The following BTBD17 variants were observed in gnomAD, a reference collection of about 807,000 sequenced individuals.
BTBD17 encodes BTB/POZ domain-containing protein 17.
Under a neutral mutation model 36.9 loss-of-function variants are expected in BTBD17, and 26 were observed. The observed-to-expected ratio is 0.70, with a 90% confidence interval of 0.52 to 0.98. The LOEUF (loss-of-function observed/expected upper bound fraction) is 0.98, where lower values mean the gene tolerates loss of function less well. Among genes scored for constraint, BTBD17 ranks in the 50% least tolerant of loss-of-function variants. The probability of loss-of-function intolerance (pLI) is 0.00; values close to 1 mark genes in which losing one functional copy is unlikely to be tolerated. For synonymous variants in BTBD17, 341 were observed against 338.0 expected, an observed-to-expected ratio of 1.01 and a Z score of -0.10; for missense variants, 630 against 691.3, an observed-to-expected ratio of 0.91 and a Z score of 0.99.
chr17:74,357,033 A>G lies in BTBD17; in HGVS notation c.1061T>C (p.Val354Ala). Residue 354 changes from valine (V) to alanine (A), a missense_variant, in exon 3 of 3, where the codon GTC becomes GCC. Physicochemically the swap from Val to Ala is moderately conservative, Grantham distance 64. Transcript: ENST00000375366. This position sits in a 1 kb window ranked among gnomAD's most constrained non-coding sequence, Gnocchi z 8.4. ...GPSGHDAGRRVTWNVLFSPRW... is the reference protein window; with the variant it reads ...GPSGHDAGRRATWNVLFSPRW... ...CGGCGAGAAGAGCACGTTCCAGGTG[A>G]CCCGGCGGCCCGCGTCGTGGCCACT... The G allele has an allele frequency of 6.5e-7, 1 of 1,526,952 alleles. No individual in the cohort carries two copies. The highest frequency in any genetic ancestry group is 8.7e-7 in the Non-Finnish European group (1 of 1,149,558). 94.6% of individuals were successfully genotyped at this position (1,526,952 alleles called of 1,614,324 possible). A position where few individuals can be genotyped will look rare whatever the true frequency, so the allele number is the denominator to read the frequency against.
rs1035555736 is a variant in BTBD17, at chr17:74,360,142, G to A, written c.189C>T (p.Ser63=). The part of the protein sequence containing the change: ...LQELLRQGNA[S]DVVLRVQAAG... ...CAGCCTGCACCCGCAGAACCACATC[G>A]CTGGCGTTGCCCTGCCGCAGCAGCT... is the stretch of plus-strand genomic sequence containing the variant. The change falls in exon 2 of 3, where the codon AGC becomes AGT. Residue 63 remains serine (S), a synonymous_variant. Transcript: ENST00000375366. 1.8e-5 allele frequency: 29 copies of A among 1,612,602 alleles called. No individual in the cohort carries two copies. Among genetic ancestry groups the A allele is most frequent in the African/African-American group, 6.7e-5 (5 of 74,932 alleles).
intron 1 of BTBD17, 82 bp from the exon 2 acceptor site, chr17:74,360,327 G>A: frequency 7.0e-7 from 1 of 1,424,144 alleles, no homozygotes; most frequent in Non-Finnish European, 9.5e-7. Flanking sequence ...GGACCAGCTG[G>A]AGACATATGC....
At position 74,357,484 on chromosome 17, in the gene BTBD17, C is replaced by A; in HGVS notation, c.610G>T (p.Glu204Ter). Residue 204 changes from glutamate (E) to a stop codon, truncating the protein, a stop_gained, in exon 3 of 3, where the codon GAG (glutamate) becomes TAG (stop). Transcript: ENST00000375366. LOFTEE classifies it high-confidence loss of function. The surrounding 1 kb of genome is among the most constrained non-coding windows in gnomAD (Gnocchi z 8.4). ...WNLSAVAAST[E>*]WGAVSPELLW... ...AGCTCGGGGCTCACGGCGCCCCACT[C>A]GGTGCTGGCCGCCACGGCCGACAGG... The A allele has an allele frequency of 6.4e-7, 1 of 1,569,564 alleles. No homozygotes were observed. Among genetic ancestry groups the A allele is most frequent in the Non-Finnish European group, 8.6e-7 (1 of 1,166,512 alleles).
In BTBD17 at chr17:74,357,039, C is replaced by T; in HGVS notation, c.1055G>A (p.Arg352His). The T allele has an allele frequency of 6.6e-7, 1 of 1,525,604 alleles. No individual in the cohort carries two copies. The highest frequency in any genetic ancestry group is 8.7e-7 in the Non-Finnish European group (1 of 1,148,918). 94.5% of individuals were successfully genotyped at this position (1,525,604 alleles called of 1,614,324 possible). A position where few individuals can be genotyped will look rare whatever the true frequency, so the allele number is the denominator to read the frequency against. ...GAAGAGCACGTTCCAGGTGACCCGG[C>T]GGCCCGCGTCGTGGCCACTCGGGCC... ...QLGPSGHDAG[R>H]RVTWNVLFSP... The change falls in exon 3 of 3, where the codon CGC becomes CAC. Residue 352 changes from arginine to histidine, a missense_variant. Transcript: ENST00000375366. The surrounding 1 kb of genome is among the most constrained non-coding windows in gnomAD (Gnocchi z 8.4).
rs1478037912 is a variant in BTBD17, at chr17:74,357,362, G to C, written c.732C>G (p.Pro244=). 1 of 1,551,052 alleles carries C rather than the reference G, an allele frequency of 6.4e-7. No homozygotes were observed. The highest frequency in any genetic ancestry group is 2.4e-5 in the East Asian group (1 of 41,290). ...LEAWLGRARP[P]PAVAERALRA... ...GCAGCGCCCGCTCGGCCACGGCAGGGGGCGGCCGCGCGCGACCCAGCCAGG... is the reference window on the plus strand; with the variant it reads ...GCAGCGCCCGCTCGGCCACGGCAGGCGGCGGCCGCGCGCGACCCAGCCAGG... Residue 244 remains proline, a synonymous_variant, in exon 3 of 3, where the codon CCC becomes CCG. Transcript: ENST00000375366. This position sits in a 1 kb window ranked among gnomAD's most constrained non-coding sequence, Gnocchi z 8.4.
At chr17:74,362,038 A>G (rs2144328069), upstream of BTBD17, 1 of 523,712 alleles carries the variant, frequency 1.9e-6, no homozygotes, top group East Asian at 3.5e-5. Flanking sequence ...CCCGGGGGCT[A>G]TTGTGCTGCC....
chr17:74,363,113 C>T (rs772184689), upstream of BTBD17, among the ~76,000 whole-genome samples: 2 of 151,980 alleles, frequency 1.3e-5, no homozygotes, highest in African/African-American at 2.4e-5. Flanking sequence ...GATCTGACTC[C>T]GAGGCAGGGC....
chr17:74,359,844 C>G, intron 2 of BTBD17, 125 bp downstream of exon 2: 1 of 942,664 alleles, frequency 1.1e-6, no homozygotes, highest in Non-Finnish European at 1.6e-6. Flanking sequence ...TCACTGTCAT[C>G]CCAGTGATGT....
upstream of BTBD17, among the ~76,000 whole-genome samples, chr17:74,362,625 G>C (rs1303416714): frequency 6.6e-6 from 1 of 152,218 alleles, no homozygotes; most frequent in African/African-American, 2.4e-5. Flanking sequence ...AGCGGGGCTG[G>C]CCACCTTCTA....
At position 74,359,977 on chromosome 17, in the gene BTBD17, C is replaced by T; in HGVS notation, c.354G>A (p.Lys118=). The T allele has an allele frequency of 2.5e-6, 4 of 1,607,398 alleles. No homozygotes were observed. Among genetic ancestry groups the T allele is most frequent in the Non-Finnish European group, 3.4e-6 (4 of 1,175,782 alleles). Residue 118 remains lysine, a synonymous_variant, in exon 2 of 3, where the codon AAG becomes AAA. Transcript: ENST00000375366. ...EPQDCAAVFD[K]FIRYLYCGEL... ...GTCTTCCGCGTCCCCACCTGATGAACTTGTCGAAGACAGCGGCGCAGTCCT... is the reference window on the plus strand; with the variant it reads ...GTCTTCCGCGTCCCCACCTGATGAATTTGTCGAAGACAGCGGCGCAGTCCT...
rs1205218022 is a variant in BTBD17 at position 74,357,540 on chromosome 17, C to T, written c.554G>A (p.Arg185His). 1.3e-6 allele frequency: 2 copies of T among 1,555,178 alleles called. No homozygotes were observed. The highest frequency in any genetic ancestry group is 1.7e-6 in the Non-Finnish European group (2 of 1,157,426). Residue 185 changes from arginine to histidine, a missense_variant, in exon 3 of 3, where the codon CGC (arginine) becomes CAC (histidine). Physicochemically the swap from Arg to His is conservative, Grantham distance 29. Transcript: ENST00000375366. The surrounding 1 kb of genome is among the most constrained non-coding windows in gnomAD (Gnocchi z 8.4). ...GGCCAGGAACTGCAGGCAGCTCTCG[C>T]GCAGGGCCTCGTCCCCGGTGCCCAC... Reference protein sequence around the residue: ...YAVGTGDEALRESCLQFLAWN... With the variant: ...YAVGTGDEALHESCLQFLAWN...
chr17:74,362,352 C>T (rs529720698), upstream of BTBD17, among the ~76,000 whole-genome samples: 3 of 152,352 alleles, frequency 2.0e-5, no homozygotes, highest in South Asian at 4.1e-4. Context: ...CTCCCCCACT[C>T]CCATTTTGGG....
chr17:74,359,112 C>T (rs2054917826), intron 2 of BTBD17, among the ~76,000 whole-genome samples: 3 of 152,128 alleles, frequency 2.0e-5, no homozygotes, highest in Admixed American at 1.3e-4. Context: ...AGCAGCATCA[C>T]GGCAGGAGGC....
chr17:74,360,065 A>G lies in BTBD17; in HGVS notation c.266T>C (p.Leu89Pro). 6.2e-7 allele frequency: 1 copy of G among 1,613,276 alleles called. No individual in the cohort carries two copies. ...CAGCTCCAGGAACAGCTCACTGTGCAGTCCCAGCAGCAGGCGGTGGGCGTG... is the reference window on the plus strand; with the variant it reads ...CAGCTCCAGGAACAGCTCACTGTGCGGTCCCAGCAGCAGGCGGTGGGCGTG... Reference protein sequence around the residue: ...VFHAHRLLLGLHSELFLELLS... With the variant: ...VFHAHRLLLGPHSELFLELLS... Residue 89 changes from leucine to proline, a missense_variant, in exon 2 of 3, where the codon CTG becomes CCG. Transcript: ENST00000375366.
chr17:74,362,106 C>A (rs938881005), upstream of BTBD17, among the ~76,000 whole-genome samples: 21 of 152,224 alleles, frequency 1.4e-4, no homozygotes, highest in African/African-American at 5.1e-4. Context: ...CCTTACCACC[C>A]AGCAGGGCTA....
intron 2 of BTBD17, among the ~76,000 whole-genome samples, chr17:74,358,424 T>C (rs9916416): frequency 0.56 from 84,212 of 149,680 alleles, 23,619 homozygotes; most frequent in Non-Finnish European, 0.58. Flanking sequence ...AGCTTCAGCC[T>C]AGGAGTTCAA....
chr17:74,356,837 C>T lies in BTBD17; in HGVS notation c.1257G>A (p.Gln419=). 1 of 1,565,654 alleles carries T rather than the reference C, an allele frequency of 6.4e-7. No homozygotes were observed. The highest frequency in any genetic ancestry group is 2.5e-5 in the East Asian group (1 of 40,284). ...CGTGGCGGACCAGCAGGCGGCCCTG[C>T]TGGCGCGCCCCCACCAGCACCGTCT... ...FQKTVLVGAR[Q]QGRLLVRHAY... Residue 419 remains glutamine (Q), a synonymous_variant, in exon 3 of 3, where the codon CAG becomes CAA. Transcript: ENST00000375366. This position sits in a 1 kb window ranked among gnomAD's most constrained non-coding sequence, Gnocchi z 4.3.
In BTBD17 at chr17:74,357,763, C is replaced by T; in HGVS notation, c.363-32G>A. ...GAGAGACCGAGAGGTGGGGCGGGGT[C>T]AGGGCGGTACCCACCTCCCAGGATA... On this transcript the variant is annotated intron_variant, in intron 2 of 2. Coordinates refer to ENST00000375366, the MANE Select transcript of BTBD17 (RefSeq NM_001080466.2). The surrounding 1 kb of genome is among the most constrained non-coding windows in gnomAD (Gnocchi z 8.4). 1 of 1,493,642 alleles carries T rather than the reference C, an allele frequency of 6.7e-7. No individual in the cohort carries two copies. Among genetic ancestry groups the T allele is most frequent in the Non-Finnish European group, 8.9e-7 (1 of 1,118,016 alleles). 92.5% of individuals were successfully genotyped at this position (1,493,642 alleles called of 1,614,324 possible). A position where few individuals can be genotyped will look rare whatever the true frequency, so the allele number is the denominator to read the frequency against.
In BTBD17 at chr17:74,356,818, G is replaced by A. The variant is rs1329577813; in HGVS notation, c.1276C>T (p.Arg426Cys). The A allele has an allele frequency of 6.3e-7, 1 of 1,582,734 alleles. No individual in the cohort carries two copies. The highest frequency in any genetic ancestry group is 8.6e-7 in the Non-Finnish European group (1 of 1,168,564). ...CTCTGGTGGAAGCTGTAGGCGTGGCGGACCAGCAGGCGGCCCTGCTGGCGC... is the reference window on the plus strand; with the variant it reads ...CTCTGGTGGAAGCTGTAGGCGTGGCAGACCAGCAGGCGGCCCTGCTGGCGC... The part of the protein sequence containing the change: ...GARQQGRLLV[R>C]HAYSFHQSSE... Residue 426 changes from arginine (R) to cysteine (C), a missense_variant, in exon 3 of 3, where the codon CGC becomes TGC. Arg to Cys is a radical substitution (Grantham distance 180). Transcript: ENST00000375366. This position sits in a 1 kb window ranked among gnomAD's most constrained non-coding sequence, Gnocchi z 4.3.
Sources: allele counts gnomAD v4.1 joint callset (sites outside exome capture counted in the v4.1 genomes callset), GRCh38; gene constraint gnomAD v4.1.1; non-coding constraint Gnocchi (gnomAD v3.1); transcripts MANE v1.5; gene names NCBI Gene and HGNC (gene_info 2026-07-23, HGNC 2026-07-21).